The following GPATCH2L variants were observed in gnomAD, a reference collection of about 807,000 sequenced individuals.
GPATCH2L encodes G patch domain-containing protein 2-like.
Under a neutral mutation model 57.4 loss-of-function variants are expected in GPATCH2L, and 31 were observed. That is an observed-to-expected ratio of 0.54 (90% CI 0.41 to 0.73). GPATCH2L has a LOEUF of 0.73. Ranked by LOEUF, GPATCH2L falls within the 30% of genes least tolerant of loss-of-function variation. GPATCH2L has a pLI of 0.00. For synonymous variants in GPATCH2L, 199 were observed against 210.7 expected, an observed-to-expected ratio of 0.94 and a Z score of 0.48; for missense variants, 481 against 599.9, an observed-to-expected ratio of 0.80 and a Z score of 2.07.
In GPATCH2L at chr14:76,165,931, T is replaced by C. The variant is rs539479906; in HGVS notation, c.663-732T>C. 9.2e-5 allele frequency among the ~76,000 whole-genome samples: 14 copies of C among 152,312 alleles called. No homozygotes were observed. In the East Asian group the frequency reaches 2.7e-3, roughly 29 times the overall value. ...TAATCCCAATCAAAGAAATAGCTAA[T>C]ACTGTAGAGGATTGAGAAGTTTTTC... is the stretch of plus-strand genomic sequence containing the variant. On this transcript the variant is annotated intron_variant, in intron 2 of 9. Transcript: ENST00000261530.
rs1239030115 is a variant in GPATCH2L at position 76,171,270 on chromosome 14, A to G, written c.728-573A>G. ...CAACATAAGGAGACCCAGTTTCTAC[A>G]GAGAATTAAAAAAAAAAAAAAAGAC... On this transcript the variant is annotated intron_variant, in intron 3 of 9. Coordinates refer to ENST00000261530, the MANE Select transcript of GPATCH2L (RefSeq NM_017926.4). Among the ~76,000 whole-genome samples, 9 of 148,986 alleles carry G rather than the reference A, an allele frequency of 6.0e-5. No homozygotes were observed. In the South Asian group the frequency reaches 1.9e-3, roughly 32 times the overall value.
rs1225412929 is a variant in GPATCH2L, at chr14:76,211,772, G to T, written c.*9921G>T. ...CCCATGGGATAAAACCAATCTGCTG[G>T]CTCACACTAAGTTCTGATCCCATGA... On this transcript the variant is annotated 3_prime_UTR_variant, in exon 10 of 10. Transcript: ENST00000261530. 1 of 152,048 alleles carries T rather than the reference G, an allele frequency of 6.6e-6. No homozygotes were observed. The highest frequency in any genetic ancestry group is 1.5e-5 in the Non-Finnish European group (1 of 68,006). The allele number at this position is 152,048 out of a possible 1,614,324, so 9.4% of individuals were successfully genotyped here.
rs189511900 is a variant in GPATCH2L at position 76,206,863 on chromosome 14, G to A, written c.*5012G>A. Reference sequence around the variant, plus strand: ...AGGTGCTCTCATATTCCCTCCATAAGTAAAGAGATTTTTTTTGTATAATTC... The same window carrying A: ...AGGTGCTCTCATATTCCCTCCATAAATAAAGAGATTTTTTTTGTATAATTC... On this transcript the variant is annotated 3_prime_UTR_variant, in exon 10 of 10. Transcript: ENST00000261530. The A allele has an allele frequency of 1.3e-5, 2 of 152,072 alleles. No homozygotes were observed. Among genetic ancestry groups the A allele is most frequent in the African/African-American group, 4.8e-5 (2 of 41,392 alleles). 9.4% of individuals were successfully genotyped at this position (152,072 alleles called of 1,614,324 possible). A position where few individuals can be genotyped will look rare whatever the true frequency, so the allele number is the denominator to read the frequency against.
chr14:76,175,147 TG>T (rs1262001426), intron 5 of GPATCH2L: 1 of 152,212 alleles, frequency 6.6e-6, no homozygotes, highest in Non-Finnish European at 1.5e-5. Context: ...CTGCCACCTG[TG>T]TTACTTTCTT....
chr14:76,177,945 T>G, intron 6 of GPATCH2L, 43 bp from the exon 7 acceptor site: 1 of 1,600,382 alleles, frequency 6.2e-7, no homozygotes, highest in Non-Finnish European at 8.6e-7. Flanking sequence ...AGATCATTTT[T>G]CTTTGTCATC....
rs140830553 is a variant in GPATCH2L, at chr14:76,168,310, C to T, written c.727+1583C>T. Among the ~76,000 whole-genome samples, 741 of 152,266 alleles carry T rather than the reference C, an allele frequency of 4.9e-3. 3 individuals are homozygous for T. The highest frequency in any genetic ancestry group is 0.013 in the South Asian group (62 of 4,822). On this transcript the variant is annotated intron_variant, in intron 3 of 9. Transcript: ENST00000261530. Reference sequence around the variant, plus strand: ...GGTTTCAATTTCTTGTTGGGGTTGGCCTATAGGAGGCATCAACAGAAGACC... The same window carrying T: ...GGTTTCAATTTCTTGTTGGGGTTGGTCTATAGGAGGCATCAACAGAAGACC...
intron 2 of GPATCH2L, among the ~76,000 whole-genome samples, chr14:76,230,972 C>T (rs891064174): frequency 5.9e-5 from 9 of 152,192 alleles, no homozygotes; most frequent in African/African-American, 2.2e-4. Context: ...GTGGCCTGTG[C>T]CATGTTTTTT....
chr14:76,207,870 TG>T lies in GPATCH2L; in HGVS notation c.*6022del, dbSNP rs1015098517. The T allele has an allele frequency of 6.6e-6, 1 of 152,208 alleles. No homozygotes were observed. The highest frequency in any genetic ancestry group is 2.4e-5 in the African/African-American group (1 of 41,458). The allele number at this position is 152,208 out of a possible 1,614,324, so 9.4% of individuals were successfully genotyped here. A position where few individuals can be genotyped will look rare whatever the true frequency, so the allele number is the denominator to read the frequency against. On this transcript the variant is annotated 3_prime_UTR_variant, in exon 10 of 10. Coordinates refer to ENST00000261530, the MANE Select transcript of GPATCH2L (RefSeq NM_017926.4). ...CATATTTTACCTTTATTAATTGGGCTGGGTCCTAACTGGTTGCCAGAGCCCA... is the reference window on the plus strand; with the variant it reads ...CATATTTTACCTTTATTAATTGGGCTGGTCCTAACTGGTTGCCAGAGCCCA...
intron 3 of GPATCH2L, among the ~76,000 whole-genome samples, chr14:76,168,008 A>C (rs1424889519): frequency 2.6e-5 from 4 of 152,234 alleles, no homozygotes; most frequent in African/African-American, 9.6e-5. Context: ...TTCACTGATA[A>C]GGATTCCTTA....
intron 2 of GPATCH2L, among the ~76,000 whole-genome samples, chr14:76,165,407 G>C (rs192418177): frequency 6.3e-4 from 96 of 151,498 alleles, no homozygotes; most frequent in Non-Finnish European, 1.3e-3. Context: ...TAGGAGAATT[G>C]CTTGAACCTG....
intron 9 of GPATCH2L, among the ~76,000 whole-genome samples, chr14:76,198,725 A>C (rs951578547): frequency 4.6e-5 from 7 of 152,032 alleles, no homozygotes; most frequent in African/African-American, 1.5e-4. Flanking sequence ...GGTCAGTGAT[A>C]TGAGAGCGAG....
At chr14:76,188,687 T>C (rs2039860279) in intron 8 of GPATCH2L, among the ~76,000 whole-genome samples, 1 of 152,150 alleles carries the variant, frequency 6.6e-6, no homozygotes, top group Non-Finnish European at 1.5e-5. Context: ...TTTCCTTTGC[T>C]GTGCAGAAGG....
At position 76,208,651 on chromosome 14, in the gene GPATCH2L, C is replaced by T. The variant is rs563795456; in HGVS notation, c.*6800C>T. ...CCTTTTCCTGTGCCCTAGGACCTCTCCCTTGATAAATGACTTGATCTAGCT... is the reference window on the plus strand; with the variant it reads ...CCTTTTCCTGTGCCCTAGGACCTCTTCCTTGATAAATGACTTGATCTAGCT... On this transcript the variant is annotated 3_prime_UTR_variant, in exon 10 of 10. Transcript: ENST00000261530. 65 of 152,784 alleles carry T rather than the reference C, an allele frequency of 4.3e-4. No individual in the cohort carries two copies. Among genetic ancestry groups the T allele is most frequent in the African/African-American group, 1.5e-3 (64 of 41,524 alleles). The allele number at this position is 152,784 out of a possible 1,614,324, so 9.5% of individuals were successfully genotyped here.
In GPATCH2L at chr14:76,169,417, C is replaced by A. The variant is rs930556113; in HGVS notation, c.728-2426C>A. ...AAAACTCTCCTTTTTTTCCCCCAAACAAAATCGAACATAGATTCTCAGATT... is the reference window on the plus strand; with the variant it reads ...AAAACTCTCCTTTTTTTCCCCCAAAAAAAATCGAACATAGATTCTCAGATT... On this transcript the variant is annotated intron_variant, in intron 3 of 9. Coordinates refer to ENST00000261530, the MANE Select transcript of GPATCH2L (RefSeq NM_017926.4). 2.0e-5 allele frequency among the ~76,000 whole-genome samples: 3 copies of A among 152,012 alleles called. No individual in the cohort carries two copies. The East Asian group carries it at 5.8e-4, about 29-fold the overall frequency.
chr14:76,187,825 A>G (rs1437621579), intron 8 of GPATCH2L, among the ~76,000 whole-genome samples: 1 of 151,828 alleles, frequency 6.6e-6, no homozygotes, highest in Non-Finnish European at 1.5e-5. Context: ...CATTCTTTCA[A>G]TTTTTTTATA....
intron 9 of GPATCH2L, among the ~76,000 whole-genome samples, chr14:76,197,003 C>G (rs1216235113): frequency 6.6e-6 from 1 of 152,108 alleles, no homozygotes; most frequent in African/African-American, 2.4e-5. Context: ...AGGCCCTGAG[C>G]TGAACACTTT....
chr14:76,210,115 C>G lies in GPATCH2L; in HGVS notation c.*8264C>G, dbSNP rs1467376564. 1 of 152,154 alleles carries G rather than the reference C, an allele frequency of 6.6e-6. No individual in the cohort carries two copies. Among genetic ancestry groups the G allele is most frequent in the Non-Finnish European group, 1.5e-5 (1 of 68,028 alleles). The allele number at this position is 152,154 out of a possible 1,614,324, so 9.4% of individuals were successfully genotyped here. ...TCCTGGGCTCCTTAGATATACTATC[C>G]TTGAAACTATTAGGCCCCTGTCCAG... On this transcript the variant is annotated 3_prime_UTR_variant, in exon 10 of 10. Coordinates refer to ENST00000261530, the MANE Select transcript of GPATCH2L (RefSeq NM_017926.4).
intron 1 of GPATCH2L, chr14:76,152,540 C>T (rs961136437): frequency 1.2e-5 from 5 of 401,076 alleles, no homozygotes; most frequent in Non-Finnish European, 2.5e-5. Flanking sequence ...CACCAGCTAC[C>T]CGTTCCTTCC....
At chr14:76,165,425 G>A (rs183978019) in intron 2 of GPATCH2L, among the ~76,000 whole-genome samples, 1 of 151,480 alleles carries the variant, frequency 6.6e-6, no homozygotes, top group Non-Finnish European at 1.5e-5. Context: ...CTGGGTGGTG[G>A]AGGTTATAGT....
Sources: allele counts gnomAD v4.1 joint callset (sites outside exome capture counted in the v4.1 genomes callset), GRCh38; gene constraint gnomAD v4.1.1; transcripts MANE v1.5; gene names NCBI Gene and HGNC (gene_info 2026-07-23, HGNC 2026-07-21).